FAM114A1: variants seen among roughly 807,000 people sequenced by gnomAD.
The protein encoded by FAM114A1 is family with sequence similarity 114 member A1, also known as protein NOXP20.
In FAM114A1, 62 loss-of-function variants were observed where a neutral mutation model predicts 64.3. The ratio of observed to expected loss-of-function variants is 0.96; its 90% CI spans 0.79 to 1.19. The LOEUF is 1.19. FAM114A1 is among the 50% of genes most tolerant of loss of function. The pLI, the probability that FAM114A1 is intolerant of heterozygous loss-of-function variation, is 0.00. For missense variants in FAM114A1, 645 were observed against 676.3 expected (o/e 0.95, Z 0.51); for synonymous variants, 254 against 251.1 (o/e 1.01, Z -0.11).
At chr4:38,928,007 T>C (rs967564247) in intron 9 of FAM114A1, among the ~76,000 whole-genome samples, 7 of 152,360 alleles carry the variant, frequency 4.6e-5, no homozygotes, top group African/African-American at 1.4e-4. Flanking sequence ...ATTATTGATC[T>C]GTTTCCCTCA....
Position 38,886,426 on chromosome 4 carries a change from C to T in FAM114A1, c.349-5317C>T, listed in dbSNP as rs575076571. Among the ~76,000 whole-genome samples the T allele has an allele frequency of 4.0e-5, 6 of 151,670 alleles. No individual in the cohort carries two copies. In the South Asian group the frequency reaches 1.3e-3, roughly 32 times the overall value. On this transcript the variant is annotated intron_variant, in intron 3 of 14. Coordinates refer to ENST00000358869, the MANE Select transcript of FAM114A1 (RefSeq NM_138389.4). Reference sequence around the variant, plus strand: ...CCTCAGGTGATTTGCCCACCTTGGCCTCCCAAAGTGCTGGGTTTACAGGTG... The same window carrying T: ...CCTCAGGTGATTTGCCCACCTTGGCTTCCCAAAGTGCTGGGTTTACAGGTG...
At chr4:38,914,291 G>A (rs1718833530) in intron 7 of FAM114A1, among the ~76,000 whole-genome samples, 1 of 152,062 alleles carries the variant, frequency 6.6e-6, no homozygotes, top group Non-Finnish European at 1.5e-5. Flanking sequence ...TTGGCCGGGT[G>A]CAGTGGCTCA....
Position 38,913,090 on chromosome 4 carries a change from A to G in FAM114A1, c.793-1831A>G, listed in dbSNP as rs1033641816. On this transcript the variant is annotated intron_variant, in intron 7 of 14. Coordinates refer to ENST00000358869, the MANE Select transcript of FAM114A1 (RefSeq NM_138389.4). Reference sequence around the variant, plus strand: ...TGGCACACAATAAAAACCAAAGTCTATTCTTCAGTTGTCTTCCCCTGTGAC... The same window carrying G: ...TGGCACACAATAAAAACCAAAGTCTGTTCTTCAGTTGTCTTCCCCTGTGAC... Among the ~76,000 whole-genome samples, 9 of 152,214 alleles carry G rather than the reference A, an allele frequency of 5.9e-5. No homozygotes were observed. The South Asian group carries it at 6.2e-4, about 11-fold the overall frequency.
Position 38,929,313 on chromosome 4 carries a change from A to C in FAM114A1, c.1141A>C (p.Thr381Pro), listed in dbSNP as rs1457601821. ...ELLFELHVAA[T>P]PDKLNKAMKR... is the part of the protein sequence containing the mutation. Reference sequence around the variant, plus strand: ...TCTCTTTGAATTACATGTGGCGGCCACACCTGACAAACTCAATAAGGTCAG... The same window carrying C: ...TCTCTTTGAATTACATGTGGCGGCCCCACCTGACAAACTCAATAAGGTCAG... Residue 381 changes from threonine (T) to proline (P), a missense_variant, in exon 10 of 15, where the codon ACA (threonine) becomes CCA (proline). Physicochemically the swap from Thr to Pro is conservative, Grantham distance 38 (BLOSUM62 -1). Transcript: ENST00000358869. 6.2e-7 allele frequency: 1 copy of C among 1,613,638 alleles called. No individual in the cohort carries two copies. Among genetic ancestry groups the C allele is most frequent in the Non-Finnish European group, 8.5e-7 (1 of 1,179,694 alleles).
chr4:38,910,987 A>G (rs1718478740), intron 7 of FAM114A1, among the ~76,000 whole-genome samples: 1 of 152,228 alleles, frequency 6.6e-6, no homozygotes, highest in Non-Finnish European at 1.5e-5. Flanking sequence ...TTGTGCTTTA[A>G]CAGGACCACT....
At position 38,942,011 on chromosome 4, in the gene FAM114A1, T is replaced by A. The variant is rs532028845; in HGVS notation, c.1590+990T>A. Among the ~76,000 whole-genome samples the A allele has an allele frequency of 5.9e-5, 9 of 152,250 alleles. No individual in the cohort carries two copies. In the East Asian group the frequency reaches 1.4e-3, roughly 23 times the overall value. ...GTCATGGTGGTAGGTGAAAGGCACA[T>A]CTCACATGGCTGCAGACAAGACAAG... On this transcript the variant is annotated intron_variant, in intron 14 of 14. Coordinates refer to ENST00000358869, the MANE Select transcript of FAM114A1 (RefSeq NM_138389.4).
chr4:38,916,948 C>G (rs979621026), intron 8 of FAM114A1, among the ~76,000 whole-genome samples: 1 of 151,988 alleles, frequency 6.6e-6, no homozygotes, highest in Non-Finnish European at 1.5e-5. Flanking sequence ...TTACAATTTA[C>G]AGAGTCATAA....
At chr4:38,892,139 C>T (rs983852463) in intron 4 of FAM114A1, among the ~76,000 whole-genome samples, 1 of 152,204 alleles carries the variant, frequency 6.6e-6, no homozygotes, top group Non-Finnish European at 1.5e-5. Context: ...CTTTTAGCCA[C>T]TATATTATAT....
chr4:38,908,978 G>A (rs999604855), intron 7 of FAM114A1, among the ~76,000 whole-genome samples: 6 of 152,162 alleles, frequency 3.9e-5, no homozygotes, highest in African/African-American at 1.2e-4. Context: ...ATCTATAGAT[G>A]CAGCTATACA....
chr4:38,876,473 C>T (rs12503376), intron 2 of FAM114A1, among the ~76,000 whole-genome samples: 14 of 151,806 alleles, frequency 9.2e-5, no homozygotes, highest in African/African-American at 3.4e-4. Flanking sequence ...ACCCTGCCTT[C>T]CTATGCTTAT....
chr4:38,938,025 C>T (rs1328885859), intron 13 of FAM114A1, among the ~76,000 whole-genome samples: 5 of 144,010 alleles, frequency 3.5e-5, no homozygotes, highest in Non-Finnish European at 6.2e-5. Flanking sequence ...GTGTGAGCCA[C>T]GGCGCCCGAC....
intron 4 of FAM114A1, among the ~76,000 whole-genome samples, chr4:38,898,982 ATG>A (rs1717232426): frequency 9.3e-6 from 1 of 107,440 alleles, no homozygotes; most frequent in Non-Finnish European, 2.3e-5. Flanking sequence ...TATGTTATAT[ATG>A]TAATATATGT....
At chr4:38,882,898 CAAG>C (rs1715433688) in intron 3 of FAM114A1, among the ~76,000 whole-genome samples, 1 of 152,222 alleles carries the variant, frequency 6.6e-6, no homozygotes, top group African/African-American at 2.4e-5. Flanking sequence ...TGGCCAGAGT[CAAG>C]GAGGAGGCCA....
chr4:38,878,124 G>A lies in FAM114A1; in HGVS notation c.46G>A (p.Glu16Lys), dbSNP rs1714841453. The change falls in exon 3 of 15, where the codon GAA (glutamate) becomes AAA (lysine). Residue 16 changes from glutamate to lysine, a missense_variant. Physicochemically the swap from Glu to Lys is moderately conservative, Grantham distance 56. Transcript: ENST00000358869. ...GDTLATGDKA[E>K]VTEMPNSDSL... ...CACCTTAGCCACTGGAGACAAAGCA[G>A]AAGTTACTGAGATGCCTAATAGTGA... is the stretch of plus-strand genomic sequence containing the variant. 1.2e-6 allele frequency: 2 copies of A among 1,613,804 alleles called. No homozygotes were observed. The highest frequency in any genetic ancestry group is 1.7e-6 in the Non-Finnish European group (2 of 1,179,880).
intron 2 of FAM114A1, among the ~76,000 whole-genome samples, chr4:38,877,049 G>A (rs954713479): frequency 6.6e-6 from 1 of 152,038 alleles, no homozygotes; most frequent in Admixed American, 6.5e-5. Flanking sequence ...GGTCCCTTTT[G>A]TTATGTAAGG....
At position 38,904,325 on chromosome 4, in the gene FAM114A1, TC is replaced by T. The variant is rs1717787654; in HGVS notation, c.437-1196del. Among the ~76,000 whole-genome samples the T allele has an allele frequency of 2.0e-5, 3 of 152,296 alleles. No homozygotes were observed. In the East Asian group the frequency reaches 5.8e-4, roughly 29 times the overall value. On this transcript the variant is annotated intron_variant, in intron 4 of 14. Coordinates refer to ENST00000358869, the MANE Select transcript of FAM114A1 (RefSeq NM_138389.4). Reference sequence around the variant, plus strand: ...TTTGACAACTCAGAAAAGCTATAGCTCATCGTGAAGGCCTCAAAGGGAGGAA... The same window carrying T: ...TTTGACAACTCAGAAAAGCTATAGCTATCGTGAAGGCCTCAAAGGGAGGAA...
At chr4:38,928,217 C>A (rs1040337452) in intron 9 of FAM114A1, among the ~76,000 whole-genome samples, 1 of 152,152 alleles carries the variant, frequency 6.6e-6, no homozygotes, top group Non-Finnish European at 1.5e-5. Flanking sequence ...CTCTGCCTTC[C>A]CCCACTGGCA....
At chr4:38,934,812 C>G (rs2109796816) in intron 12 of FAM114A1, among the ~76,000 whole-genome samples, 1 of 152,256 alleles carries the variant, frequency 6.6e-6, no homozygotes, top group African/African-American at 2.4e-5. Flanking sequence ...TCTACAGGAT[C>G]TTTATTTTGA....
At chr4:38,941,075 ACT>A in intron 14 of FAM114A1, 54 bp downstream of exon 14, 1 of 1,341,782 alleles carries the variant, frequency 7.5e-7, no homozygotes, top group Non-Finnish European at 9.9e-7. Context: ...TGTTAGAACT[ACT>A]TTTTTTTTTT....
Sources: gnomAD v4.1 joint callset for allele counts (sites outside exome capture counted in the v4.1 genomes callset) on GRCh38, gnomAD v4.1.1 for gene constraint, MANE v1.5 for transcripts, NCBI Gene and HGNC (gene_info 2026-07-23, HGNC 2026-07-21) for gene names.